The following PRKAR2B variants were observed in gnomAD, a reference collection of about 807,000 sequenced individuals.
PRKAR2B encodes the protein protein kinase cAMP-dependent type II regulatory subunit beta.
Under a neutral mutation model 49.9 loss-of-function variants are expected in PRKAR2B, and 14 were observed. The ratio of observed to expected loss-of-function variants is 0.28; its 90% confidence interval spans 0.19 to 0.44. The LOEUF (loss-of-function observed/expected upper bound fraction) is 0.44. PRKAR2B is among the 20% of genes least tolerant of loss of function. The pLI, the probability that PRKAR2B is intolerant of heterozygous loss-of-function variation, is 1.00. For synonymous variants in PRKAR2B, 196 were observed against 197.7 expected (o/e 0.99, Z 0.07); for missense variants, 393 against 537.9 (o/e 0.73, Z 2.67).
rs1796193690 is a variant in PRKAR2B at position 107,161,304 on chromosome 7, G to C, written c.*1722G>C. 6.6e-6 allele frequency: 1 copy of C among 152,380 alleles called. No individual in the cohort carries two copies. The highest frequency in any genetic ancestry group is 1.5e-5 in the Non-Finnish European group (1 of 68,012). The allele number at this position is 152,380 out of a possible 1,614,324, so 9.4% of individuals were successfully genotyped here. On this transcript the variant is annotated 3_prime_UTR_variant, in exon 11 of 11. Coordinates refer to ENST00000265717, the MANE Select transcript of PRKAR2B (RefSeq NM_002736.3). ...AAACACAAAAGAACTCCAGATTCCT[G>C]GTTCATCATTCTGTATTCTTACTCA...
rs528961832 is a variant in PRKAR2B, at chr7:107,126,251, CA to C, written c.397-1943del. ...TACTAAAAATACAAAATACAAAATA[CA>C]AAAAAAAAAAAAAAAAACCAAAGCC... is the stretch of plus-strand genomic sequence containing the variant. On this transcript the variant is annotated intron_variant, in intron 3 of 10. Coordinates refer to ENST00000265717, the MANE Select transcript of PRKAR2B (RefSeq NM_002736.3). Among the ~76,000 whole-genome samples, 238 of 85,460 alleles carry C rather than the reference CA, an allele frequency of 2.8e-3. 1 individual carries two copies. Among genetic ancestry groups the C allele is most frequent in the South Asian group, 8.5e-3 (22 of 2,596 alleles). 56.1% of individuals were successfully genotyped at this position (85,460 alleles called of 152,430 possible).
chr7:107,119,267 T>TAC (rs1795345821), intron 2 of PRKAR2B, among the ~76,000 whole-genome samples: 1 of 152,188 alleles, frequency 6.6e-6, no homozygotes, highest in Non-Finnish European at 1.5e-5. Flanking sequence ...GCCTACTGCC[T>TAC]ACTGCCTACT....
At chr7:107,054,568 A>G (rs1330132628) in intron 1 of PRKAR2B, among the ~76,000 whole-genome samples, 2 of 152,136 alleles carry the variant, frequency 1.3e-5, no homozygotes. Context: ...TGACGTTAAT[A>G]CTATCAATAT....
Position 107,128,117 on chromosome 7 carries a change from T to C in PRKAR2B, c.397-95T>C, listed in dbSNP as rs1795531520. The C allele has an allele frequency of 1.9e-5, 15 of 802,758 alleles. No homozygotes were observed. In the South Asian group the frequency reaches 2.4e-4, roughly 13 times the overall value. The allele number at this position is 802,758 out of a possible 1,614,324, so 49.7% of individuals were successfully genotyped here. On this transcript the variant is annotated intron_variant, in intron 3 of 10. Transcript: ENST00000265717. ...CTTGAGCGCTAACAGTTCTTCTTTCTAATGTTGGTTCTGATTTTTGTTAGT... is the reference window on the plus strand; with the variant it reads ...CTTGAGCGCTAACAGTTCTTCTTTCCAATGTTGGTTCTGATTTTTGTTAGT...
intron 8 of PRKAR2B, 50 bp from the exon 9 acceptor site, chr7:107,156,934 G>T (rs1796103781): frequency 1.4e-6 from 2 of 1,468,632 alleles, no homozygotes; most frequent in Non-Finnish European, 1.9e-6. Context: ...CAAGATTGTT[G>T]TCAATTAATT....
At chr7:107,051,045 G>C (rs955181451) in intron 1 of PRKAR2B, among the ~76,000 whole-genome samples, 1 of 152,148 alleles carries the variant, frequency 6.6e-6, no homozygotes, top group Non-Finnish European at 1.5e-5. Flanking sequence ...TAGATAGTAT[G>C]TATGATCAAT....
At chr7:107,116,016 A>G (rs557353668) in intron 2 of PRKAR2B, among the ~76,000 whole-genome samples, 1 of 152,292 alleles carries the variant, frequency 6.6e-6, no homozygotes, top group Non-Finnish European at 1.5e-5. Flanking sequence ...ACCAAGAAAT[A>G]CACTCATGTT....
chr7:107,157,309 A>G lies in PRKAR2B; in HGVS notation c.1108A>G (p.Thr370Ala). ...AGCAGCTTCTGCCCACGCCATTGGG[A>G]CTGTCAAATGTTTAGGTAGGGATTG... Reference protein sequence around the residue: ...PRAASAHAIGTVKCLAMDVQA... With the variant: ...PRAASAHAIGAVKCLAMDVQA... The change falls in exon 10 of 11, where the codon ACT becomes GCT. Residue 370 changes from threonine (T) to alanine (A), a missense_variant. Transcript: ENST00000265717. The G allele has an allele frequency of 6.2e-7, 1 of 1,613,608 alleles. No individual in the cohort carries two copies. Among genetic ancestry groups the G allele is most frequent in the South Asian group, 1.1e-5 (1 of 90,974 alleles).
At chr7:107,064,123 A>G (rs1344700189) in intron 1 of PRKAR2B, among the ~76,000 whole-genome samples, 1 of 152,186 alleles carries the variant, frequency 6.6e-6, no homozygotes, top group Non-Finnish European at 1.5e-5. Flanking sequence ...TACTGCCTCA[A>G]ATCTCTGTGT....
At chr7:107,112,308 A>G (rs1359492363) in intron 2 of PRKAR2B, among the ~76,000 whole-genome samples, 2 of 151,424 alleles carry the variant, frequency 1.3e-5, no homozygotes, top group African/African-American at 4.8e-5. Context: ...ATTAGTTTAT[A>G]TTTCTTGTCT....
chr7:107,066,221 A>G (rs1185840057), intron 1 of PRKAR2B, among the ~76,000 whole-genome samples: 1 of 151,410 alleles, frequency 6.6e-6, no homozygotes, highest in Non-Finnish European at 1.5e-5. Flanking sequence ...TTCTTAAATC[A>G]TATTGTTTGT....
chr7:107,045,055 C>G lies in PRKAR2B; in HGVS notation c.148C>G (p.Arg50Gly). 6.5e-7 allele frequency: 1 copy of G among 1,544,990 alleles called. No individual in the cohort carries two copies. Reference protein sequence around the residue: ...QQENERKGTARFGHEGRTWGD... With the variant: ...QQENERKGTAGFGHEGRTWGD... ...GGAGAACGAGCGCAAAGGCACCGCG[C>G]GCTTCGGCCATGAGGGCAGGACCTG... Residue 50 changes from arginine (R) to glycine (G), a missense_variant, in exon 1 of 11, where the codon CGC (arginine) becomes GGC (glycine). This residue lies in a region of PRKAR2B where 160 missense variants were observed against 147.6 expected (regional missense o/e 1.08). Coordinates refer to ENST00000265717, the MANE Select transcript of PRKAR2B (RefSeq NM_002736.3).
chr7:107,144,826 C>T (rs1218484355), intron 5 of PRKAR2B, among the ~76,000 whole-genome samples: 5 of 146,820 alleles, frequency 3.4e-5, no homozygotes, highest in Non-Finnish European at 7.5e-5. Flanking sequence ...CAGCACGTCC[C>T]CACTCTTTGT....
intron 5 of PRKAR2B, among the ~76,000 whole-genome samples, chr7:107,143,142 A>C (rs1795819492): frequency 6.6e-6 from 1 of 152,186 alleles, no homozygotes. Context: ...TCCTCGGCAC[A>C]TTTGGCTTTG....
intron 2 of PRKAR2B, among the ~76,000 whole-genome samples, chr7:107,080,296 C>T (rs924516091): frequency 2.0e-5 from 3 of 152,022 alleles, no homozygotes; most frequent in Non-Finnish European, 4.4e-5. Flanking sequence ...AAGGAGTGTT[C>T]TTGGAGAAGA....
At position 107,045,259 on chromosome 7, in the gene PRKAR2B, GC is replaced by G. The variant is rs539687816; in HGVS notation, c.307+51del. ...CTTCGCGCCCCCGGATCCCCTCGCT[GC>G]CCCCCACCGCTCCCCGCTGTGCTCT... On this transcript the variant is annotated intron_variant, in intron 1 of 10. Transcript: ENST00000265717. The G allele has an allele frequency of 7.0e-4, 960 of 1,366,860 alleles. 5 individuals carry two copies. In the African/African-American group the frequency reaches 0.013, roughly 18 times the overall value. 84.7% of individuals were successfully genotyped at this position (1,366,860 alleles called of 1,614,324 possible). A position where few individuals can be genotyped will look rare whatever the true frequency, so the allele number is the denominator to read the frequency against.
chr7:107,065,542 G>C (rs1043123111), intron 1 of PRKAR2B, among the ~76,000 whole-genome samples: 1 of 152,072 alleles, frequency 6.6e-6, no homozygotes, highest in Non-Finnish European at 1.5e-5. Flanking sequence ...TTCACCTGCG[G>C]TATTTCTAAA....
intron 5 of PRKAR2B, among the ~76,000 whole-genome samples, chr7:107,141,245 A>ATG (rs1795785606): frequency 6.6e-6 from 1 of 152,222 alleles, no homozygotes; most frequent in African/African-American, 2.4e-5. Flanking sequence ...GAGAGATATT[A>ATG]TGTAGTAGTA....
chr7:107,128,372 A>C (rs1795536332), intron 4 of PRKAR2B, 77 bp downstream of exon 4: 5 of 1,117,978 alleles, frequency 4.5e-6, no homozygotes, highest in Non-Finnish European at 6.6e-6. Context: ...CAGGGTCTTG[A>C]GTTTTGCCCT....
Sources: gnomAD v4.1 joint callset for allele counts (sites outside exome capture counted in the v4.1 genomes callset) on GRCh38, gnomAD v4.1.1 for gene constraint, gnomAD v4.1.1 regional missense constraint, MANE v1.5 for transcripts, NCBI Gene and HGNC (gene_info 2026-07-23, HGNC 2026-07-21) for gene names.